The following CCDC178 variants were observed in gnomAD, a reference collection of about 807,000 sequenced individuals.
CCDC178 encodes coiled-coil domain-containing protein 178.
A neutral mutation model predicts 117.4 loss-of-function variants in CCDC178; 126 were observed. That is an observed-to-expected ratio of 1.07 (90% CI 0.93 to 1.24). CCDC178 has a LOEUF of 1.24. Ranked by LOEUF, CCDC178 falls within the 50% of genes most tolerant of loss-of-function variation. The pLI is 0.00. For synonymous variants in CCDC178, 283 were observed against 313.4 expected, an observed-to-expected ratio of 0.90 and a Z score of 1.02; for missense variants, 1,030 against 986.9, an observed-to-expected ratio of 1.04 and a Z score of -0.59.
chr18:33,126,839 G>A (rs1414149803), intron 20 of CCDC178, among the ~76,000 whole-genome samples: 1 of 151,504 alleles, frequency 6.6e-6, no homozygotes, highest in Non-Finnish European at 1.5e-5. Flanking sequence ...TGTATTTTTA[G>A]TAGAGACAGG....
At chr18:32,950,083 A>G (rs2054447195) in intron 22 of CCDC178, among the ~76,000 whole-genome samples, 2 of 152,168 alleles carry the variant, frequency 1.3e-5, no homozygotes, top group Admixed American at 1.3e-4. Flanking sequence ...TTCCACTAAT[A>G]TTTTGGATGA....
At chr18:33,258,233 T>TTAA (rs1337383945) in intron 14 of CCDC178, among the ~76,000 whole-genome samples, 1 of 152,092 alleles carries the variant, frequency 6.6e-6, no homozygotes, top group East Asian at 1.9e-4. Context: ...CTTACAGGCT[T>TTAA]TTAGTATATG....
intron 20 of CCDC178, among the ~76,000 whole-genome samples, chr18:33,185,433 CAG>C (rs553340420): frequency 5.9e-4 from 90 of 151,990 alleles, no homozygotes; most frequent in African/African-American, 2.1e-3. Flanking sequence ...CATGCAAACA[CAG>C]GGGAAAAAGC....
rs1021017397 is a variant in CCDC178 at position 33,116,578 on chromosome 18, C to T, written c.2239-23668G>A. Reference sequence around the variant, plus strand: ...ACTCAGAAAACACCCAGAGCCGTTGCTCACTTTTCAAGTCCGTCAGATTGC... The same window carrying T: ...ACTCAGAAAACACCCAGAGCCGTTGTTCACTTTTCAAGTCCGTCAGATTGC... On this transcript the variant is annotated intron_variant, in intron 20 of 22. Transcript: ENST00000383096. Among the ~76,000 whole-genome samples, 5 of 152,190 alleles carry T rather than the reference C, an allele frequency of 3.3e-5. No individual in the cohort carries two copies. The East Asian group carries it at 9.7e-4, about 30-fold the overall frequency.
chr18:33,232,571 T>G (rs1417211358), intron 15 of CCDC178, among the ~76,000 whole-genome samples: 1 of 152,178 alleles, frequency 6.6e-6, no homozygotes, highest in African/African-American at 2.4e-5. Flanking sequence ...GCTATGGTTG[T>G]GCATTATTAG....
At chr18:33,289,324 T>A (rs922015119) in intron 12 of CCDC178, among the ~76,000 whole-genome samples, 18 of 152,054 alleles carry the variant, frequency 1.2e-4, no homozygotes, top group Non-Finnish European at 2.5e-4. Context: ...AAAAATAATT[T>A]AAAAAAATGG....
At chr18:33,373,423 C>A (rs566368471) in intron 5 of CCDC178, among the ~76,000 whole-genome samples, 1 of 152,202 alleles carries the variant, frequency 6.6e-6, no homozygotes, top group East Asian at 1.9e-4. Flanking sequence ...CTTGCCTGAC[C>A]ACTTCCTATA....
At chr18:33,095,914 A>G (rs1040395545) in intron 20 of CCDC178, among the ~76,000 whole-genome samples, 3 of 151,982 alleles carry the variant, frequency 2.0e-5, no homozygotes, top group African/African-American at 7.2e-5. Flanking sequence ...ATTTTGGGTG[A>G]ATCATTGACT....
chr18:33,068,470 C>T (rs995999236), intron 21 of CCDC178, among the ~76,000 whole-genome samples: 2 of 152,038 alleles, frequency 1.3e-5, no homozygotes, highest in African/African-American at 4.8e-5. Flanking sequence ...GATAATATAC[C>T]GTGATCAAGT....
At chr18:33,279,056 G>A (rs1311587812) in intron 12 of CCDC178, among the ~76,000 whole-genome samples, 1 of 152,062 alleles carries the variant, frequency 6.6e-6, no homozygotes, top group Non-Finnish European at 1.5e-5. Flanking sequence ...AGACAGGGAT[G>A]CCCTCACTCA....
At chr18:33,421,737 C>T (rs983438546) in intron 2 of CCDC178, among the ~76,000 whole-genome samples, 21 of 152,002 alleles carry the variant, frequency 1.4e-4, no homozygotes, top group South Asian at 6.2e-4. Flanking sequence ...AATGCTGGAA[C>T]GGGTTACGCT....
chr18:33,112,233 G>T (rs1368313173), intron 20 of CCDC178, among the ~76,000 whole-genome samples: 1 of 151,728 alleles, frequency 6.6e-6, no homozygotes, highest in Non-Finnish European at 1.5e-5. Flanking sequence ...TCTGACCTAA[G>T]GAAGCTCATA....
At chr18:33,124,329 C>T (rs2057975624) in intron 20 of CCDC178, among the ~76,000 whole-genome samples, 1 of 152,208 alleles carries the variant, frequency 6.6e-6, no homozygotes, top group South Asian at 2.1e-4. Flanking sequence ...GGTCTCATGG[C>T]TGCTGGTGAA....
At chr18:33,074,194 A>G (rs73417440) in intron 21 of CCDC178, among the ~76,000 whole-genome samples, 2,168 of 151,824 alleles carry the variant, frequency 0.014, 56 homozygotes, top group African/African-American at 0.049. Context: ...TTTTATATAT[A>G]TATAATGTAA....
intron 14 of CCDC178, among the ~76,000 whole-genome samples, chr18:33,257,644 A>G (rs1568094038): frequency 6.6e-6 from 1 of 152,104 alleles, no homozygotes; most frequent in East Asian, 1.9e-4. Flanking sequence ...CCCATTTATA[A>G]GTGTTCTGTA....
At chr18:33,004,619 G>T (rs1332670960) in intron 21 of CCDC178, among the ~76,000 whole-genome samples, 13 of 152,124 alleles carry the variant, frequency 8.5e-5, no homozygotes. Context: ...TGGACAAATG[G>T]GGTCGCATAA....
chr18:33,198,796 C>T (rs546150828), intron 20 of CCDC178, among the ~76,000 whole-genome samples: 58 of 152,178 alleles, frequency 3.8e-4, no homozygotes, highest in Admixed American at 3.1e-3. Context: ...ATAAAAGAAA[C>T]GGTGGCAATG....
intron 2 of CCDC178, among the ~76,000 whole-genome samples, chr18:33,415,750 C>G (rs151080269): frequency 6.6e-6 from 1 of 152,188 alleles, no homozygotes; most frequent in East Asian, 1.9e-4. Flanking sequence ...ATTCAACACT[C>G]CTGACCTCTA....
intron 2 of CCDC178, among the ~76,000 whole-genome samples, chr18:33,429,455 G>A (rs920294920): frequency 6.6e-6 from 1 of 152,084 alleles, no homozygotes; most frequent in African/African-American, 2.4e-5. Context: ...TTTTGCAGAA[G>A]TTATAATAAA....
Sources: gnomAD v4.1 joint callset for allele counts (sites outside exome capture counted in the v4.1 genomes callset) on GRCh38, gnomAD v4.1.1 for gene constraint, MANE v1.5 for transcripts, NCBI Gene and HGNC (gene_info 2026-07-23, HGNC 2026-07-21) for gene names.